The following ASZ1 variants were observed in gnomAD, a reference collection of about 807,000 sequenced individuals.
The protein encoded by ASZ1 is ankyrin repeat, SAM and basic leucine zipper domain containing 1.
A neutral mutation model predicts 61.8 loss-of-function variants in ASZ1; 67 were observed. The ratio of observed to expected loss-of-function variants is 1.08; its 90% confidence interval spans 0.89 to 1.33. The LOEUF is 1.33. Ranked by LOEUF, ASZ1 falls within the 40% of genes most tolerant of loss-of-function variation. ASZ1 has a pLI of 0.00. For synonymous variants in ASZ1, 193 were observed against 192.7 expected (o/e 1.00, Z -0.01); for missense variants, 577 against 554.5 (o/e 1.04, Z -0.41).
chr7:117,383,078 T>C lies in ASZ1; in HGVS notation c.720A>G (p.Pro240=), dbSNP rs1368895219. 1 of 1,579,438 alleles carries C rather than the reference T, an allele frequency of 6.3e-7. No individual in the cohort carries two copies. Among genetic ancestry groups the C allele is most frequent in the Non-Finnish European group, 8.6e-7 (1 of 1,165,420 alleles). ...IFNLLSFTLN[P]LEGKLQQLTK... is the part of the protein sequence containing the mutation. ...TTAGCTGTTGAAGTTTTCCTTCCAA[T>C]GGATTTAAAGTAAAAGAAAGTAAGT... is the stretch of plus-strand genomic sequence containing the variant. The change falls in exon 7 of 13, where the codon CCA becomes CCG. Residue 240 remains proline, a synonymous_variant. Coordinates refer to ENST00000284629, the MANE Select transcript of ASZ1 (RefSeq NM_130768.3).
intron 2 of ASZ1, among the ~76,000 whole-genome samples, chr7:117,426,506 A>AG (rs1562863984): frequency 2.7e-5 from 4 of 149,758 alleles, no homozygotes; most frequent in Admixed American, 1.3e-4. Context: ...AAAAAAAAAA[A>AG]AAAAGAAAAA....
intron 2 of ASZ1, among the ~76,000 whole-genome samples, chr7:117,423,861 C>G (rs997518151): frequency 9.6e-6 from 1 of 104,220 alleles, no homozygotes; most frequent in African/African-American, 3.6e-5. Context: ...GACTCCATCT[C>G]AAAAAAAAAA....
At chr7:117,364,996 C>G (rs1264857095) in intron 12 of ASZ1, among the ~76,000 whole-genome samples, 1 of 152,088 alleles carries the variant, frequency 6.6e-6, no homozygotes, top group Non-Finnish European at 1.5e-5. Context: ...TCTGTGATAA[C>G]TTATGTTTCT....
At chr7:117,392,148 T>C (rs1796482832) in intron 4 of ASZ1, among the ~76,000 whole-genome samples, 1 of 152,198 alleles carries the variant, frequency 6.6e-6, no homozygotes, top group Non-Finnish European at 1.5e-5. Flanking sequence ...CATTGGTCAT[T>C]TGATAGGAAT....
chr7:117,412,685 C>A (rs746818452), intron 4 of ASZ1, among the ~76,000 whole-genome samples: 13 of 151,694 alleles, frequency 8.6e-5, no homozygotes, highest in Non-Finnish European at 1.6e-4. Flanking sequence ...TAAAATGCCA[C>A]ATCACTTTAC....
chr7:117,404,963 G>GCC (rs1244795976), intron 4 of ASZ1, among the ~76,000 whole-genome samples: 3 of 152,180 alleles, frequency 2.0e-5, no homozygotes, highest in Admixed American at 1.3e-4. Flanking sequence ...CTCCCCTTCT[G>GCC]TTTGAACCTA....
intron 10 of ASZ1, among the ~76,000 whole-genome samples, chr7:117,373,580 A>G (rs1435965787): frequency 6.6e-6 from 1 of 152,158 alleles, no homozygotes; most frequent in African/African-American, 2.4e-5. Context: ...TTTTCTTATG[A>G]CTTAATGACT....
intron 10 of ASZ1, among the ~76,000 whole-genome samples, chr7:117,375,279 T>A (rs1380714826): frequency 6.6e-6 from 1 of 152,076 alleles, no homozygotes; most frequent in African/African-American, 2.4e-5. Flanking sequence ...CAAAAATCTC[T>A]AGAAGTAGGT....
chr7:117,363,828 T>A, intron 12 of ASZ1, 80 bp from the exon 13 acceptor site: 2 of 1,144,950 alleles, frequency 1.7e-6, no homozygotes, highest in Non-Finnish European at 2.3e-6. Flanking sequence ...AAAAATATCA[T>A]AATATCCATG....
At chr7:117,391,793 T>A (rs1024683904) in intron 4 of ASZ1, among the ~76,000 whole-genome samples, 1 of 149,934 alleles carries the variant, frequency 6.7e-6, no homozygotes, top group East Asian at 1.9e-4. Flanking sequence ...TGGTTTCATA[T>A]TTTTTTTTCT....
In ASZ1 at chr7:117,379,953, G is replaced by T; in HGVS notation, c.1040C>A (p.Thr347Lys). 1 of 1,591,664 alleles carries T rather than the reference G, an allele frequency of 6.3e-7. No homozygotes were observed. The highest frequency in any genetic ancestry group is 8.6e-7 in the Non-Finnish European group (1 of 1,163,562). Residue 347 changes from threonine to lysine, a missense_variant, in exon 10 of 13, where the codon ACA becomes AAA. Thr to Lys is a moderately conservative substitution (Grantham distance 78). Coordinates refer to ENST00000284629, the MANE Select transcript of ASZ1 (RefSeq NM_130768.3). ...TTAATTTTACCTGATTTCCAACTTT[G>T]TCTCTTCAGATAGCTCTCCAAATTG... ...EIQFGELSEE[T>K]KLEISGDEFL...
chr7:117,424,216 CA>C (rs1367433744), intron 2 of ASZ1, among the ~76,000 whole-genome samples: 1 of 152,092 alleles, frequency 6.6e-6, no homozygotes, highest in Non-Finnish European at 1.5e-5. Flanking sequence ...CACAGAATAA[CA>C]AAAACTGGAG....
At chr7:117,415,627 G>A (rs1796975541) in intron 4 of ASZ1, among the ~76,000 whole-genome samples, 1 of 152,046 alleles carries the variant, frequency 6.6e-6, no homozygotes. Flanking sequence ...AGTATTTATA[G>A]GGTTTGGTAG....
At chr7:117,427,010 T>G in intron 1 of ASZ1, 75 bp from the exon 2 acceptor site, 1 of 1,404,154 alleles carries the variant, frequency 7.1e-7, no homozygotes. Flanking sequence ...ACAATAATGT[T>G]TGGTTAAGTA....
At chr7:117,377,184 A>G (rs1277596911) in intron 10 of ASZ1, among the ~76,000 whole-genome samples, 1 of 152,190 alleles carries the variant, frequency 6.6e-6, no homozygotes, top group East Asian at 1.9e-4. Flanking sequence ...GTATAAATCT[A>G]ATGAAATATG....
intron 4 of ASZ1, among the ~76,000 whole-genome samples, chr7:117,414,315 G>A (rs1250401198): frequency 1.3e-5 from 2 of 151,796 alleles, no homozygotes; most frequent in Non-Finnish European, 2.9e-5. Context: ...CAAAATTTTT[G>A]CAAAAAACAT....
intron 2 of ASZ1, among the ~76,000 whole-genome samples, chr7:117,425,305 G>A (rs1408671434): frequency 1.8e-5 from 2 of 111,432 alleles, no homozygotes; most frequent in South Asian, 3.0e-4. Flanking sequence ...TCGCTTTGTC[G>A]CCCAGGCTGG....
intron 4 of ASZ1, among the ~76,000 whole-genome samples, chr7:117,399,316 T>C (rs1247890945): frequency 6.6e-6 from 1 of 152,142 alleles, no homozygotes; most frequent in Non-Finnish European, 1.5e-5. Context: ...ACAACTAAGT[T>C]TGAGGAATGA....
In ASZ1 at chr7:117,426,913, A is replaced by T. The variant is rs1797229722; in HGVS notation, c.128T>A (p.Ile43Asn). The T allele has an allele frequency of 6.2e-7, 1 of 1,612,548 alleles. No individual in the cohort carries two copies. Among genetic ancestry groups the T allele is most frequent in the South Asian group, 1.1e-5 (1 of 90,634 alleles). ...TSQKLKRLLP[I>N]EEKKEKFKKA... The stretch of plus-strand genomic sequence containing the variant: ...CTTAAATTTTTCTTTCTTTTCTTCA[A>T]TGGGTAATAGCCTTTTCAATTTCTA... Residue 43 changes from isoleucine (I) to asparagine (N), a missense_variant, in exon 2 of 13, where the codon ATT (isoleucine) becomes AAT (asparagine). Physicochemically the swap from Ile to Asn is moderately radical, Grantham distance 149. Transcript: ENST00000284629.
Sources: gnomAD v4.1 joint callset for allele counts (sites outside exome capture counted in the v4.1 genomes callset) on GRCh38, gnomAD v4.1.1 for gene constraint, MANE v1.5 for transcripts, NCBI Gene and HGNC (gene_info 2026-07-23, HGNC 2026-07-21) for gene names.